The following IMPG1 variants were observed in gnomAD, a reference collection of about 807,000 sequenced individuals.
IMPG1 encodes the protein interphotoreceptor matrix proteoglycan of 150 kDa.
IMPG1 carries 85 observed loss-of-function variants against 92.0 expected under a neutral mutation model. The observed-to-expected ratio is 0.92, with a 90% CI of 0.78 to 1.11. IMPG1 has a LOEUF of 1.11. IMPG1 is among the 50% of genes least tolerant of loss of function. The pLI, the probability that IMPG1 is intolerant of heterozygous loss-of-function variation, is 0.00. For missense variants in IMPG1, 1,022 were observed against 956.0 expected (o/e 1.07, Z -0.91); for synonymous variants, 367 against 334.1 (o/e 1.10, Z -1.08).
Position 76,005,377 on chromosome 6 carries a change from A to G in IMPG1, c.1045T>C (p.Tyr349His). ...TMEEDKQPEIYLTATDLKRLI... is the reference protein window; with the variant it reads ...TMEEDKQPEIHLTATDLKRLI... ...CTTTTGAGGTCTGTAGCTGTGAGAT[A>G]GATTTCTGGTTGCTTGTCCTCCTCC... The change falls in exon 10 of 17, where the codon TAT becomes CAT. Residue 349 changes from tyrosine (Y) to histidine (H), a missense_variant. Tyr to His is a moderately conservative substitution (Grantham distance 83). Coordinates refer to ENST00000369950, the MANE Select transcript of IMPG1 (RefSeq NM_001563.4). The G allele has an allele frequency of 1.2e-6, 2 of 1,614,062 alleles. No individual in the cohort carries two copies. Among genetic ancestry groups the G allele is most frequent in the Non-Finnish European group, 1.7e-6 (2 of 1,179,936 alleles).
intron 1 of IMPG1, among the ~76,000 whole-genome samples, chr6:76,054,066 C>T (rs1239097681): frequency 1.3e-5 from 2 of 152,116 alleles, no homozygotes; most frequent in African/African-American, 4.8e-5. Flanking sequence ...ATAGGAAGAG[C>T]ACTCTGCCAC....
At chr6:76,064,370 CTTTT>C (rs10706748) in intron 1 of IMPG1, among the ~76,000 whole-genome samples, 5 of 130,508 alleles carry the variant, frequency 3.8e-5, no homozygotes, top group East Asian at 2.3e-4. Flanking sequence ...ATTTTTTTTT[CTTTT>C]TTTTTTTTTT....
intron 4 of IMPG1, among the ~76,000 whole-genome samples, chr6:76,028,773 C>T (rs183976634): frequency 8.9e-4 from 136 of 152,136 alleles, no homozygotes; most frequent in African/African-American, 3.2e-3. Context: ...GAGCCAAGAT[C>T]GTGCCACTGC....
At chr6:76,023,992 A>G (rs888737472) in intron 5 of IMPG1, among the ~76,000 whole-genome samples, 1 of 152,138 alleles carries the variant, frequency 6.6e-6, no homozygotes, top group Admixed American at 6.5e-5. Flanking sequence ...TTTTTGAATA[A>G]GACTTGATAT....
chr6:75,974,401 TTTCCTTCC>T (rs761519920), intron 12 of IMPG1, among the ~76,000 whole-genome samples: 9 of 92,824 alleles, frequency 9.7e-5, no homozygotes, highest in Admixed American at 2.7e-4. Flanking sequence ...CTTTTCTTTC[TTTCCTTCC>T]TTCCTTCCTT....
At chr6:75,950,140 C>G (rs142195423) in intron 13 of IMPG1, among the ~76,000 whole-genome samples, 4 of 152,106 alleles carry the variant, frequency 2.6e-5, no homozygotes, top group African/African-American at 9.7e-5. Flanking sequence ...AGAAAGGAAC[C>G]CTTACTCCTG....
rs559235788 is a variant in IMPG1 at position 76,022,050 on chromosome 6, T to C, written c.666+66A>G. 1.9e-4 allele frequency: 159 copies of C among 845,410 alleles called. 1 individual carries two copies. In the South Asian group the frequency reaches 2.0e-3, roughly 11 times the overall value. 52.4% of individuals were successfully genotyped at this position (845,410 alleles called of 1,614,324 possible). On this transcript the variant is annotated intron_variant, in intron 6 of 16. Transcript: ENST00000369950. ...TAAAGGATGGTTTATCCATTCTCTT[T>C]TCCTGTTTTGCTAAAGAACAAAAAC...
intron 12 of IMPG1, among the ~76,000 whole-genome samples, chr6:75,965,365 C>CT (rs57386883): frequency 0.011 from 1,625 of 145,136 alleles, 12 homozygotes; most frequent in African/African-American, 0.021. Flanking sequence ...TTTGTTGTTA[C>CT]TTTTTTTTTT....
intron 12 of IMPG1, 129 bp from the exon 13 acceptor site, chr6:75,951,223 AT>A (rs11414729): frequency 0.17 from 94,955 of 549,722 alleles, 1,587 homozygotes; most frequent in East Asian, 0.37. Flanking sequence ...TTCAATAGTC[AT>A]TTTTTTTTTT....
intron 1 of IMPG1, among the ~76,000 whole-genome samples, chr6:76,051,360 T>C (rs888776082): frequency 1.3e-5 from 2 of 152,328 alleles, no homozygotes; most frequent in South Asian, 2.1e-4. Context: ...GAATACCTTG[T>C]TCAGTCTATC....
chr6:75,955,433 G>T (rs1782102512), intron 12 of IMPG1, among the ~76,000 whole-genome samples: 1 of 152,280 alleles, frequency 6.6e-6, no homozygotes, highest in East Asian at 1.9e-4. Flanking sequence ...TTGGTGTGTA[G>T]AAATACTTGT....
Position 76,065,275 on chromosome 6 carries a change from A to T in IMPG1, c.67+7147T>A, listed in dbSNP as rs79706241. Among the ~76,000 whole-genome samples the T allele has an allele frequency of 6.8e-3, 1,039 of 152,250 alleles. 32 individuals are homozygous for T. In the East Asian group the frequency reaches 0.07, roughly 10 times the overall value. On this transcript the variant is annotated intron_variant, in intron 1 of 16. Transcript: ENST00000369950. The stretch of plus-strand genomic sequence containing the variant: ...TTGAAATACCAGATAAAGAAGTCAA[A>T]ATATTAATTTTAAAGAAGCTTAATG...
chr6:76,019,574 C>A (rs571696701), intron 6 of IMPG1, among the ~76,000 whole-genome samples: 77 of 152,254 alleles, frequency 5.1e-4, no homozygotes, highest in African/African-American at 1.7e-3. Context: ...TCCCCTCCAC[C>A]ATGGGCATGG....
Position 75,951,009 on chromosome 6 carries a change from C to T in IMPG1, c.1377G>A (p.Leu459=). The change falls in exon 13 of 17, where the codon CTG becomes CTA. Residue 459 remains leucine, a synonymous_variant. Coordinates refer to ENST00000369950, the MANE Select transcript of IMPG1 (RefSeq NM_001563.4). ...TTGTATCTGTGGTGCCTTGATCAGT[C>T]AGAGAGAAGATGCTTGATGCCATAA... is the stretch of plus-strand genomic sequence containing the variant. The part of the protein sequence containing the change: ...PFFMASSIFS[L]TDQGTTDTMA... The T allele has an allele frequency of 6.2e-7, 1 of 1,613,868 alleles. No homozygotes were observed. Among genetic ancestry groups the T allele is most frequent in the Non-Finnish European group, 8.5e-7 (1 of 1,179,898 alleles).
chr6:75,959,394 C>T (rs1170461011), intron 12 of IMPG1, among the ~76,000 whole-genome samples: 1 of 152,192 alleles, frequency 6.6e-6, no homozygotes, highest in Non-Finnish European at 1.5e-5. Context: ...AGCTCAAGTG[C>T]TGTACTGGGA....
chr6:76,018,909 A>C, intron 6 of IMPG1, 51 bp from the exon 7 acceptor site: 1 of 1,490,670 alleles, frequency 6.7e-7, no homozygotes, highest in Non-Finnish European at 9.0e-7. Flanking sequence ...ACCACAAATA[A>C]ATGGTTATTT....
intron 12 of IMPG1, among the ~76,000 whole-genome samples, chr6:75,987,945 C>G (rs1222735294): frequency 6.6e-6 from 1 of 152,132 alleles, no homozygotes; most frequent in Non-Finnish European, 1.5e-5. Flanking sequence ...CCGCACCTGG[C>G]CAAACTCATC....
At chr6:75,955,385 G>C (rs1385552397) in intron 12 of IMPG1, among the ~76,000 whole-genome samples, 2 of 152,106 alleles carry the variant, frequency 1.3e-5, no homozygotes, top group Non-Finnish European at 2.9e-5. Context: ...GTTGTGAATG[G>C]GAGTTCACTC....
chr6:75,970,137 A>T (rs1368867947), intron 12 of IMPG1, among the ~76,000 whole-genome samples: 1 of 152,186 alleles, frequency 6.6e-6, no homozygotes, highest in Admixed American at 6.5e-5. Flanking sequence ...TTTTAAAAAA[A>T]TTCTCCATTT....
Sources: gnomAD v4.1 joint callset for allele counts (sites outside exome capture counted in the v4.1 genomes callset) on GRCh38, gnomAD v4.1.1 for gene constraint, MANE v1.5 for transcripts, NCBI Gene and HGNC (gene_info 2026-07-23, HGNC 2026-07-21) for gene names.